ZFHX3: variants seen among roughly 807,000 people sequenced by gnomAD.
ZFHX3 encodes zinc finger homeobox protein 3.
In ZFHX3, 42 loss-of-function variants were observed where a neutral mutation model predicts 279.1. That is an observed-to-expected ratio of 0.15 (90% CI 0.12 to 0.19). The LOEUF (loss-of-function observed/expected upper bound fraction) is 0.19. Ranked by LOEUF, ZFHX3 falls within the 10% of genes least tolerant of loss-of-function variation. ZFHX3 has a pLI of 1.00. For synonymous variants in ZFHX3, 2,293 were observed against 1,957.8 expected (o/e 1.17, Z -4.52); for missense variants, 4,981 against 4,754.0 (o/e 1.05, Z -1.40).
At chr16:72,978,549 G>A (rs558508752) in intron 1 of ZFHX3, among the ~76,000 whole-genome samples, 1 of 152,242 alleles carries the variant, frequency 6.6e-6, no homozygotes, top group South Asian at 2.1e-4. Flanking sequence ...AGTCCACACT[G>A]CCCAGAGGAT....
rs777268686 is a variant in ZFHX3 at position 73,303,251 on chromosome 16, C to G, written c.-1194+14989G>C. ...CTGTGTTGCCCAGGCTGGTCTTGAA[C>G]TCCTAGCTCCAAGCAATTCTCCCAT... On this transcript the variant is annotated intron_variant, in intron 4 of 17. Transcript: ENST00000641206. 7.2e-5 allele frequency among the ~76,000 whole-genome samples: 11 copies of G among 152,134 alleles called. 1 individual carries two copies.
intron 2 of ZFHX3, among the ~76,000 whole-genome samples, chr16:73,586,381 T>C (rs2051925975): frequency 7.1e-6 from 1 of 140,654 alleles, no homozygotes; most frequent in Non-Finnish European, 1.5e-5. Context: ...ACAGCAAGAC[T>C]CTATCTCAAA....
At chr16:72,830,239 G>A (rs956032683) in intron 4 of ZFHX3, among the ~76,000 whole-genome samples, 1 of 152,184 alleles carries the variant, frequency 6.6e-6, no homozygotes, top group African/African-American at 2.4e-5. Context: ...TGCAAAACAT[G>A]GCCACCTGTT....
chr16:73,678,666 A>G (rs2052978790), intron 2 of ZFHX3, among the ~76,000 whole-genome samples: 1 of 149,498 alleles, frequency 6.7e-6, no homozygotes, highest in Admixed American at 6.6e-5. Context: ...TGACTCACCA[A>G]AAAAACTGCT....
In ZFHX3 at chr16:73,486,191, A is replaced by G. The variant is rs545007071; in HGVS notation, c.-1546-29933T>C. 2.7e-4 allele frequency among the ~76,000 whole-genome samples: 41 copies of G among 152,390 alleles called. 1 individual carries two copies. Among genetic ancestry groups the G allele is most frequent in the African/African-American group, 9.9e-4 (41 of 41,594 alleles). The stretch of plus-strand genomic sequence containing the variant: ...CAAATGGATTCGATTCAGCTATGAC[A>G]GGAAATATCCTCTCCATTTACACAG... On this transcript the variant is annotated intron_variant, in intron 2 of 17. Transcript: ENST00000641206.
intron 7 of ZFHX3, among the ~76,000 whole-genome samples, chr16:73,095,315 T>C (rs1371525511): frequency 2.0e-5 from 3 of 152,116 alleles, no homozygotes; most frequent in Admixed American, 2.0e-4. Context: ...CAGTCTGGCA[T>C]AAGAATCCCA....
At position 72,958,280 on chromosome 16, in the gene ZFHX3, G is replaced by A. The variant is rs374599044; in HGVS notation, c.1866C>T (p.His622=). Residue 622 remains histidine (H), a synonymous_variant, in exon 2 of 10, where the codon CAC becomes CAT. Transcript: ENST00000268489. ...DDGGFVPHHQ[H]AGSLCELGVG... Reference sequence around the variant, plus strand: ...CCCCAAGCTCGCAGAGGGAGCCAGCGTGCTGGTGATGGGGAACGAAGCCCC... The same window carrying A: ...CCCCAAGCTCGCAGAGGGAGCCAGCATGCTGGTGATGGGGAACGAAGCCCC... 3.1e-5 allele frequency: 50 copies of A among 1,613,914 alleles called. No individual in the cohort carries two copies. The highest frequency in any genetic ancestry group is 3.7e-5 in the Non-Finnish European group (44 of 1,179,908).
chr16:73,663,705 T>C (rs2052807898), intron 2 of ZFHX3, among the ~76,000 whole-genome samples: 1 of 152,334 alleles, frequency 6.6e-6, no homozygotes, highest in East Asian at 1.9e-4. Flanking sequence ...AACTAAGGAA[T>C]GAATGCATCT....
intron 3 of ZFHX3, among the ~76,000 whole-genome samples, chr16:73,360,490 C>G (rs149784564): frequency 1.3e-5 from 2 of 152,142 alleles, no homozygotes; most frequent in East Asian, 3.8e-4. Flanking sequence ...AGGTGCCCAC[C>G]GCTATGCCCA....
intron 1 of ZFHX3, among the ~76,000 whole-genome samples, chr16:73,763,182 C>A (rs1332592632): frequency 2.0e-5 from 3 of 151,830 alleles, no homozygotes; most frequent in East Asian, 1.9e-4. Context: ...AATGTTATTT[C>A]CTAATTACAA....
intron 8 of ZFHX3, among the ~76,000 whole-genome samples, chr16:73,085,984 G>GCAAAAAAAAAAAAAAAAAAAAAAA (rs1966007434): frequency 2.0e-5 from 1 of 50,374 alleles, no homozygotes; most frequent in Non-Finnish European, 3.4e-5. Context: ...CAACTCAATT[G>GCAAAAAAAAAAAAAAAAAAAAAAA]CAAAAAAAAA....
intron 5 of ZFHX3, among the ~76,000 whole-genome samples, chr16:73,183,127 C>T (rs368406152): frequency 1.8e-4 from 28 of 152,256 alleles, no homozygotes; most frequent in African/African-American, 6.5e-4. Flanking sequence ...ATTGCTTGAA[C>T]CCAGGAAGCA....
chr16:73,084,514 ATTTTTTT>A (rs34134596), intron 8 of ZFHX3, among the ~76,000 whole-genome samples: 26 of 92,654 alleles, frequency 2.8e-4, no homozygotes, highest in South Asian at 1.1e-3. Context: ...CTAGGACTAA[ATTTTTTT>A]TTTTTTTTTT....
At chr16:72,987,297 T>C (rs917520028) in intron 1 of ZFHX3, among the ~76,000 whole-genome samples, 1 of 152,222 alleles carries the variant, frequency 6.6e-6, no homozygotes, top group African/African-American at 2.4e-5. Flanking sequence ...TCTACAGCAC[T>C]AGGCCTTCAA....
At chr16:73,461,806 A>G (rs2018476446) in intron 2 of ZFHX3, among the ~76,000 whole-genome samples, 1 of 152,186 alleles carries the variant, frequency 6.6e-6, no homozygotes, top group Non-Finnish European at 1.5e-5. Flanking sequence ...TGGCTAGATG[A>G]TTCCTCTCAC....
intron 5 of ZFHX3, among the ~76,000 whole-genome samples, chr16:73,218,800 A>G (rs1453870924): frequency 6.6e-6 from 1 of 152,168 alleles, no homozygotes; most frequent in African/African-American, 2.4e-5. Context: ...GTAAACACAT[A>G]CAACATGAAA....
rs2036003106 is a variant in ZFHX3, at chr16:72,798,771, A to G, written c.3968-57T>C. The G allele has an allele frequency of 2.7e-6, 4 of 1,503,218 alleles. No homozygotes were observed. The East Asian group carries it at 9.1e-5, about 34-fold the overall frequency. The allele number at this position is 1,503,218 out of a possible 1,614,324, so 93.1% of individuals were successfully genotyped here. On this transcript the variant is annotated intron_variant, in intron 8 of 9. Coordinates refer to ENST00000268489, the MANE Select transcript of ZFHX3 (RefSeq NM_006885.4). ...AGATAAAGAAGGCTTTGTTTCAAGG[A>G]TGGCACCCAGAGCGGTCTACCTAGT...
Position 73,332,038 on chromosome 16 carries a change from T to C in ZFHX3, c.-1290-13702A>G, listed in dbSNP as rs75100743. On this transcript the variant is annotated intron_variant, in intron 3 of 17. Coordinates refer to the ZFHX3 transcript ENST00000641206. ...CCATGTTCAACTCCATGCCTTATGC[T>C]AAGTGGCTTCAGACAACGTGGCTTT... is the stretch of plus-strand genomic sequence containing the variant. Among the ~76,000 whole-genome samples the C allele has an allele frequency of 4.3e-3, 658 of 152,348 alleles. 29 individuals carry two copies. The South Asian group carries it at 0.086, about 20-fold the overall frequency.
intron 2 of ZFHX3, among the ~76,000 whole-genome samples, chr16:73,509,687 G>A: frequency 7.3e-6 from 1 of 137,904 alleles, no homozygotes; most frequent in South Asian, 2.3e-4. Context: ...ACCATGCCCG[G>A]CTGATTTTTT....
Sources: allele counts gnomAD v4.1 joint callset (sites outside exome capture counted in the v4.1 genomes callset), GRCh38; gene constraint gnomAD v4.1.1; transcripts MANE v1.5; gene names NCBI Gene and HGNC (gene_info 2026-07-23, HGNC 2026-07-21).